The following DLGAP1 variants were observed in gnomAD, a reference collection of about 807,000 sequenced individuals.
DLGAP1 encodes the protein disks large-associated protein 1.
Under a neutral mutation model 90.8 loss-of-function variants are expected in DLGAP1, and 11 were observed. That is an observed-to-expected ratio of 0.12 (90% CI 0.08 to 0.20). The LOEUF is 0.20. Ranked by LOEUF, DLGAP1 falls within the 10% of genes least tolerant of loss-of-function variation. The pLI is 1.00. For synonymous variants in DLGAP1, 558 were observed against 540.7 expected (o/e 1.03, Z -0.44); for missense variants, 1,050 against 1,333.8 (o/e 0.79, Z 3.31).
rs148812371 is a variant in DLGAP1 at position 3,867,088 on chromosome 18, G to A, written c.957+12024C>T. Among the ~76,000 whole-genome samples, 295 of 152,222 alleles carry A rather than the reference G, an allele frequency of 1.9e-3. 3 individuals are homozygous for A. The highest frequency in any genetic ancestry group is 6.3e-3 in the African/African-American group (262 of 41,528). Reference sequence around the variant, plus strand: ...ATGCTGGTCTTGAACTCCTGACCTCGTGATCCGCCCGCCTTGGCCTCCCAA... The same window carrying A: ...ATGCTGGTCTTGAACTCCTGACCTCATGATCCGCCCGCCTTGGCCTCCCAA... On this transcript the variant is annotated intron_variant, in intron 4 of 12. Transcript: ENST00000315677.
chr18:3,898,009 T>G (rs1000144465), intron 3 of DLGAP1, among the ~76,000 whole-genome samples: 1 of 151,984 alleles, frequency 6.6e-6, no homozygotes, highest in African/African-American at 2.4e-5. Flanking sequence ...TTAGCCAGGA[T>G]GGTCTCGATC....
At chr18:3,758,127 G>C (rs888223164) in intron 5 of DLGAP1, among the ~76,000 whole-genome samples, 1 of 145,194 alleles carries the variant, frequency 6.9e-6, no homozygotes, top group Non-Finnish European at 1.5e-5. Context: ...AAAAAAAAAA[G>C]ACTGAGAGCA....
At chr18:4,125,276 G>A (rs8082800) in intron 2 of DLGAP1, among the ~76,000 whole-genome samples, 34,190 of 152,136 alleles carry the variant, frequency 0.22, 4,324 homozygotes, top group African/African-American at 0.34. Context: ...TCATCATGAG[G>A]GCACAGTGAA....
intron 4 of DLGAP1, among the ~76,000 whole-genome samples, chr18:3,853,278 T>C (rs1055740011): frequency 6.6e-6 from 1 of 152,180 alleles, no homozygotes; most frequent in East Asian, 1.9e-4. Flanking sequence ...GTATTCCTTA[T>C]CTGAAATGCT....
chr18:3,602,580 G>C (rs2057116451), intron 7 of DLGAP1, among the ~76,000 whole-genome samples: 1 of 131,280 alleles, frequency 7.6e-6, no homozygotes, highest in Admixed American at 8.7e-5. Flanking sequence ...GGGCGACAGA[G>C]CGAGACTCCG....
At chr18:4,060,575 G>T (rs1218734363) in intron 2 of DLGAP1, among the ~76,000 whole-genome samples, 1 of 152,132 alleles carries the variant, frequency 6.6e-6, no homozygotes, top group African/African-American at 2.4e-5. Context: ...ATATCTTGAG[G>T]AAGAATAGCT....
intron 5 of DLGAP1, among the ~76,000 whole-genome samples, chr18:3,772,200 TTC>T (rs1206368962): frequency 6.4e-5 from 4 of 62,136 alleles, no homozygotes; most frequent in Non-Finnish European, 1.2e-4. Flanking sequence ...CTTTCTCTTC[TTC>T]TCTCCTTTTC....
chr18:3,807,078 C>T (rs1161569857), intron 5 of DLGAP1, among the ~76,000 whole-genome samples: 1 of 152,212 alleles, frequency 6.6e-6, no homozygotes, highest in Non-Finnish European at 1.5e-5. Flanking sequence ...CTTTCCTGCA[C>T]CTGAGGCTAA....
chr18:3,946,760 G>T (rs1315963415), intron 3 of DLGAP1, among the ~76,000 whole-genome samples: 2 of 152,064 alleles, frequency 1.3e-5, no homozygotes, highest in African/African-American at 4.8e-5. Flanking sequence ...CATAATTAAA[G>T]GTTCTGACTT....
At position 3,765,240 on chromosome 18, in the gene DLGAP1, T is replaced by C. The variant is rs368070283; in HGVS notation, c.1173-22728A>G. Among the ~76,000 whole-genome samples the C allele has an allele frequency of 8.4e-3, 1,246 of 149,160 alleles. 21 individuals are homozygous for C. Among genetic ancestry groups the C allele is most frequent in the African/African-American group, 0.03 (1,180 of 39,760 alleles). On this transcript the variant is annotated intron_variant, in intron 5 of 12. Coordinates refer to ENST00000315677, the MANE Select transcript of DLGAP1 (RefSeq NM_004746.4). ...TTGCCTCCCGGGTTCACACCATTCT[T>C]CTGCTTCAGCCTCCCGAGTAGCTGG...
At position 4,383,385 on chromosome 18, in the gene DLGAP1, ATTTTCC is replaced by A. The variant is rs1227147489; in HGVS notation, c.-267+71615_-267+71620del. ...ATTTTCATGGTTTTCATTAGCATTC[ATTTTCC>A]TTTTCCTTACATAATTAAATTTTGA... On this transcript the variant is annotated intron_variant, in intron 1 of 12. Coordinates refer to ENST00000315677, the MANE Select transcript of DLGAP1 (RefSeq NM_004746.4). The surrounding 1 kb of genome is among the most constrained non-coding windows in gnomAD (Gnocchi z 4.0). Among the ~76,000 whole-genome samples the A allele has an allele frequency of 6.6e-6, 1 of 152,090 alleles. No homozygotes were observed. Among genetic ancestry groups the A allele is most frequent in the Non-Finnish European group, 1.5e-5 (1 of 67,992 alleles).
chr18:3,663,781 G>A (rs2059772119), intron 7 of DLGAP1, among the ~76,000 whole-genome samples: 1 of 152,230 alleles, frequency 6.6e-6, no homozygotes, highest in Non-Finnish European at 1.5e-5. Flanking sequence ...AACTGTGATG[G>A]TTAGTTTGTG....
At chr18:4,025,178 C>T (rs2074679225) in intron 2 of DLGAP1, among the ~76,000 whole-genome samples, 1 of 151,698 alleles carries the variant, frequency 6.6e-6, no homozygotes. Context: ...TGACCCTGTC[C>T]AAGGTCATGT....
chr18:4,064,755 A>G (rs1238675255), intron 2 of DLGAP1, among the ~76,000 whole-genome samples: 1 of 152,060 alleles, frequency 6.6e-6, no homozygotes, highest in African/African-American at 2.4e-5. Context: ...ATGAATTCTA[A>G]CAGATGTACA....
In DLGAP1 at chr18:3,727,215, T is replaced by C. The variant is rs2062215757; in HGVS notation, c.1591+1920A>G. 6.6e-6 allele frequency among the ~76,000 whole-genome samples: 1 copy of C among 152,200 alleles called. No individual in the cohort carries two copies. The highest frequency in any genetic ancestry group is 1.5e-5 in the Non-Finnish European group (1 of 68,028). ...CCTGGATTTTATTTGGCAACTCTAT[T>C]GCTTGAGCTCTGGGAGCCTCCAGAG... On this transcript the variant is annotated intron_variant, in intron 7 of 12. Transcript: ENST00000315677. This position sits in a 1 kb window ranked among gnomAD's most constrained non-coding sequence, Gnocchi z 4.7.
intron 1 of DLGAP1, among the ~76,000 whole-genome samples, chr18:4,185,533 T>C (rs1289421636): frequency 6.6e-6 from 1 of 152,144 alleles, no homozygotes; most frequent in Non-Finnish European, 1.5e-5. Flanking sequence ...TGATCCTGTG[T>C]TAGTTTGCTA....
chr18:4,276,757 C>A (rs191826032), intron 1 of DLGAP1, among the ~76,000 whole-genome samples: 1 of 152,130 alleles, frequency 6.6e-6, no homozygotes, highest in Admixed American at 6.5e-5. Flanking sequence ...TGCATAAGGT[C>A]AGAGAAACTC....
chr18:3,561,436 CA>C (rs68086553), intron 9 of DLGAP1, among the ~76,000 whole-genome samples: 6,751 of 76,270 alleles, frequency 0.089, 62 homozygotes, highest in Middle Eastern at 0.15. Flanking sequence ...ACTCCATCTC[CA>C]AAAAAAAAAA....
Position 4,064,587 on chromosome 18 carries a change from A to C in DLGAP1, c.-158-59386T>G, listed in dbSNP as rs534207555. ...ACACCTTTATGCACATAACTTAGAA[A>C]ATCTAGAAGAAATGGATAAATTCAT... On this transcript the variant is annotated intron_variant, in intron 2 of 12. Transcript: ENST00000315677. Among the ~76,000 whole-genome samples, 6 of 152,240 alleles carry C rather than the reference A, an allele frequency of 3.9e-5. No homozygotes were observed. In the South Asian group the frequency reaches 1.0e-3, roughly 26 times the overall value.
Sources: allele counts gnomAD v4.1 joint callset (sites outside exome capture counted in the v4.1 genomes callset), GRCh38; gene constraint gnomAD v4.1.1; non-coding constraint Gnocchi (gnomAD v3.1); transcripts MANE v1.5; gene names NCBI Gene and HGNC (gene_info 2026-07-23, HGNC 2026-07-21).